ATM: variants seen among roughly 807,000 people sequenced by gnomAD.
ATM encodes serine-protein kinase ATM.
ATM carries 308 observed loss-of-function variants against 387.0 expected under a neutral mutation model. The ratio of observed to expected loss-of-function variants is 0.80; its 90% CI spans 0.73 to 0.87. The LOEUF (loss-of-function observed/expected upper bound fraction) is 0.87, where lower values mean the gene tolerates loss of function less well. ATM is among the 40% of genes least tolerant of loss of function. ATM has a pLI of 0.00. For synonymous variants in ATM, 1,156 were observed against 1,187.3 expected (o/e 0.97, Z 0.54); for missense variants, 3,312 against 3,560.9 (o/e 0.93, Z 1.78).
At chr11:108,321,746 C>G (rs941299167) in intron 45 of ATM, among the ~76,000 whole-genome samples, 2 of 151,666 alleles carry the variant, frequency 1.3e-5, no homozygotes, top group African/African-American at 4.8e-5. Context: ...CGAGATTGCG[C>G]CATGGATTCC....
In ATM at chr11:108,268,504, T is replaced by C; in HGVS notation, c.2733T>C (p.Ala911=). 1 of 1,614,118 alleles carries C rather than the reference T, an allele frequency of 6.2e-7. No homozygotes were observed. The highest frequency in any genetic ancestry group is 1.1e-5 in the South Asian group (1 of 91,082). The change falls in exon 18 of 63, where the codon GCT becomes GCC. Residue 911 remains alanine (A), a synonymous_variant. Transcript: ENST00000675843. The part of the protein sequence containing the change: ...LKFLCLCVTT[A]QTNTVSFRAA... ...TCTTGTGTTTGTGTGTAACTACTGC[T>C]CAGACCAATACTGTGTCCTTTAGGG...
intron 5 of ATM, among the ~76,000 whole-genome samples, chr11:108,242,200 G>C (rs892829892): frequency 1.3e-5 from 2 of 152,084 alleles, no homozygotes; most frequent in African/African-American, 4.8e-5. Flanking sequence ...AGATCCTATA[G>C]ATATTCAAAG....
At chr11:108,282,267 A>G (rs2082272827) in intron 24 of ATM, among the ~76,000 whole-genome samples, 1 of 151,916 alleles carries the variant, frequency 6.6e-6, no homozygotes, top group South Asian at 2.1e-4. Context: ...AGCTGGGACT[A>G]CAGGCGCCCG....
chr11:108,282,969 C>A, intron 25 of ATM, 90 bp downstream of exon 25: 1 of 804,896 alleles, frequency 1.2e-6, no homozygotes, highest in Non-Finnish European at 2.0e-6. Context: ...ACACACATAC[C>A]ATACCCATAC....
Position 108,268,285 on chromosome 11 carries a change from T to C in ATM, c.2639-125T>C, listed in dbSNP as rs147374568. On this transcript the variant is annotated intron_variant, in intron 17 of 62. Coordinates refer to ENST00000675843, the MANE Select transcript of ATM (RefSeq NM_000051.4). Reference sequence around the variant, plus strand: ...ACTTTTGAAGCTTTCAGTATATAATTAATTTCACTATAATTTTGCTTTTCA... The same window carrying C: ...ACTTTTGAAGCTTTCAGTATATAATCAATTTCACTATAATTTTGCTTTTCA... The C allele has an allele frequency of 6.4e-5, 51 of 797,518 alleles. 1 individual carries two copies. In the East Asian group the frequency reaches 1.2e-3, roughly 19 times the overall value. 49.4% of individuals were successfully genotyped at this position (797,518 alleles called of 1,614,324 possible).
intron 61 of ATM, among the ~76,000 whole-genome samples, chr11:108,356,913 C>T (rs947700148): frequency 6.6e-6 from 1 of 152,152 alleles, no homozygotes; most frequent in African/African-American, 2.4e-5. Flanking sequence ...ATAACTGTCA[C>T]CTTTAAACAC....
chr11:108,223,816 CGCAGTGTTACCTTG>C (rs918415908), intron 1 of ATM: 1 of 152,160 alleles, frequency 6.6e-6, no homozygotes, highest in African/African-American at 2.4e-5. Flanking sequence ...GGTGAGACCT[CGCAGTGTTACCTTG>C]GCAGATGGTA....
chr11:108,327,527 T>C, intron 47 of ATM, 118 bp from the exon 48 acceptor site: 1 of 781,946 alleles, frequency 1.3e-6, no homozygotes, highest in Non-Finnish European at 2.1e-6. Context: ...AAAAACTTTT[T>C]TTTTCCCACC....
At chr11:108,338,634 C>A (rs577392792) in intron 56 of ATM, among the ~76,000 whole-genome samples, 2 of 150,660 alleles carry the variant, frequency 1.3e-5, no homozygotes, top group African/African-American at 4.9e-5. Context: ...CCAGTCTGGA[C>A]AACAGAGCAA....
intron 16 of ATM, among the ~76,000 whole-genome samples, chr11:108,265,890 T>C (rs374682299): frequency 7.1e-6 from 1 of 140,670 alleles, no homozygotes; most frequent in Non-Finnish European, 1.6e-5. Context: ...AAAATGCTCA[T>C]CATCACTGGC....
At chr11:108,223,277 A>T (rs1354700294) in intron 1 of ATM, 91 bp downstream of exon 1, 1 of 155,692 alleles carries the variant, frequency 6.4e-6, no homozygotes, top group African/African-American at 2.4e-5. Flanking sequence ...CGCCAATCTC[A>T]TGCACCCCTC....
rs555525317 is a variant in ATM at position 108,317,580 on chromosome 11, T to A, written c.6347+59T>A. Reference sequence around the variant, plus strand: ...CTCTCTCCTCATTCTAAACAACAACTGTTTTTCTCTTCTATGAATATAACA... The same window carrying A: ...CTCTCTCCTCATTCTAAACAACAACAGTTTTTCTCTTCTATGAATATAACA... On this transcript the variant is annotated intron_variant, in intron 43 of 62. Coordinates refer to ENST00000675843, the MANE Select transcript of ATM (RefSeq NM_000051.4). 6 of 1,452,470 alleles carry A rather than the reference T, an allele frequency of 4.1e-6. No homozygotes were observed. In the East Asian group the frequency reaches 1.1e-4, roughly 27 times the overall value. 90.0% of individuals were successfully genotyped at this position (1,452,470 alleles called of 1,614,324 possible). A position where few individuals can be genotyped will look rare whatever the true frequency, so the allele number is the denominator to read the frequency against.
Position 108,257,636 on chromosome 11 carries a change from T to C in ATM, c.2376+30T>C, listed in dbSNP as rs2080589064. 3.1e-6 allele frequency: 5 copies of C among 1,606,358 alleles called. 1 individual carries two copies. The highest frequency in any genetic ancestry group is 4.3e-6 in the Non-Finnish European group (5 of 1,176,026). On this transcript the variant is annotated intron_variant, in intron 15 of 62. Transcript: ENST00000675843. ...GATTTTCTTCTTCTTGTTTTGTTTT[T>C]TGAGATAGGATCTTTCTCTGTCACC... is the stretch of plus-strand genomic sequence containing the variant.
chr11:108,242,571 AT>A (rs2079615371), intron 5 of ATM, among the ~76,000 whole-genome samples: 3 of 152,186 alleles, frequency 2.0e-5, no homozygotes, highest in Admixed American at 2.0e-4. Context: ...GAATAATGTT[AT>A]TTGGGGACTG....
chr11:108,252,937 A>C (rs746806104), intron 12 of ATM, 25 bp downstream of exon 12: 1 of 1,546,910 alleles, frequency 6.5e-7, no homozygotes. Context: ...AATGCTCTTT[A>C]TCATTTTAAG....
intron 53 of ATM, among the ~76,000 whole-genome samples, chr11:108,333,666 G>C (rs1409450995): frequency 6.6e-6 from 1 of 152,164 alleles, no homozygotes; most frequent in Admixed American, 6.5e-5. Context: ...AGTTACCCTT[G>C]TCAGGTAACC....
At chr11:108,229,512 G>A in intron 4 of ATM, 189 bp downstream of exon 4, 1 of 554,630 alleles carries the variant, frequency 1.8e-6, no homozygotes, top group Non-Finnish European at 3.1e-6. Context: ...TTTAGGGCTA[G>A]TCAAGTGAAG....
chr11:108,260,191 C>A (rs1215503596), intron 16 of ATM, among the ~76,000 whole-genome samples: 2 of 152,130 alleles, frequency 1.3e-5, no homozygotes, highest in Middle Eastern at 3.4e-3. Flanking sequence ...TGTGCCACCA[C>A]AACCGGCTAA....
At position 108,244,886 on chromosome 11, in the gene ATM, T is replaced by C. The variant is rs776428526; in HGVS notation, c.761T>C (p.Leu254Ser). 6.2e-7 allele frequency: 1 copy of C among 1,613,828 alleles called. No homozygotes were observed. Among genetic ancestry groups the C allele is most frequent in the Non-Finnish European group, 8.5e-7 (1 of 1,179,884 alleles). Residue 254 changes from leucine (L) to serine (S), a missense_variant, in exon 7 of 63, where the codon TTA becomes TCA. Coordinates refer to ENST00000675843, the MANE Select transcript of ATM (RefSeq NM_000051.4). ...AACTTTCGAATTCGAGTGTGTGAATTAGGAGATGAAATTCTTCCCACTTTG... is the reference window on the plus strand; with the variant it reads ...AACTTTCGAATTCGAGTGTGTGAATCAGGAGATGAAATTCTTCCCACTTTG... ...AVNFRIRVCE[L>S]GDEILPTLLY... is the part of the protein sequence containing the mutation.
Sources: gnomAD v4.1 joint callset for allele counts (sites outside exome capture counted in the v4.1 genomes callset) on GRCh38, gnomAD v4.1.1 for gene constraint, MANE v1.5 for transcripts, NCBI Gene and HGNC (gene_info 2026-07-23, HGNC 2026-07-21) for gene names.